CALD1: variants seen among roughly 807,000 people sequenced by gnomAD.
The protein encoded by CALD1 is caldesmon.
A neutral mutation model predicts 99.9 loss-of-function variants in CALD1; 33 were observed. The observed-to-expected ratio is 0.33, with a 90% confidence interval of 0.25 to 0.44. The LOEUF is 0.44. Ranked by LOEUF, CALD1 falls within the 20% of genes least tolerant of loss-of-function variation. The pLI is 1.00. For synonymous variants in CALD1, 310 were observed against 325.0 expected, an observed-to-expected ratio of 0.95 and a Z score of 0.50; for missense variants, 861 against 962.1, an observed-to-expected ratio of 0.89 and a Z score of 1.39.
intron 14 of CALD1, among the ~76,000 whole-genome samples, chr7:134,966,131 CAAT>C (rs1275693015): frequency 6.6e-6 from 1 of 152,106 alleles, no homozygotes; most frequent in Non-Finnish European, 1.5e-5. Context: ...TGGAGACCAA[CAAT>C]AAGCAAGGTT....
rs756688655 is a variant in CALD1 at position 134,947,583 on chromosome 7, G to A, written c.1608G>A (p.Leu536=). The A allele has an allele frequency of 3.2e-6, 5 of 1,561,788 alleles. No homozygotes were observed. Among genetic ancestry groups the A allele is most frequent in the East Asian group, 4.8e-5 (2 of 41,540 alleles). The change falls in exon 8 of 15, where the codon CTG becomes CTA. Residue 536 remains leucine (L), a synonymous_variant. Transcript: ENST00000361675. ...GAPQVEAGKR[L]EELRRRRGET... ...CCCAGGTGGAAGCCGGCAAAAGGCT[G>A]GAGGAGCTTCGTCGTCGTCGCGGGG...
chr7:134,788,624 T>C (rs1468638704), intron 1 of CALD1, among the ~76,000 whole-genome samples: 1 of 152,218 alleles, frequency 6.6e-6, no homozygotes, highest in Non-Finnish European at 1.5e-5. Flanking sequence ...TCTATGAAAG[T>C]AGAGACTTTG....
Position 134,938,641 on chromosome 7 carries a change from TA to T in CALD1, c.1387-2442del, listed in dbSNP as rs202093605. Among the ~76,000 whole-genome samples the T allele has an allele frequency of 2.6e-5, 4 of 151,018 alleles. 1 individual carries two copies. The highest frequency in any genetic ancestry group is 2.1e-4 in the South Asian group (1 of 4,782). On this transcript the variant is annotated intron_variant, in intron 6 of 14. Coordinates refer to ENST00000361675, the MANE Select transcript of CALD1 (RefSeq NM_033138.4). The stretch of plus-strand genomic sequence containing the variant: ...TTTGGGTTAAATCTGCCATAACATC[TA>T]AAAAAAAATGTAAAGGCTCTACGGA...
upstream of CALD1, among the ~76,000 whole-genome samples, chr7:134,743,673 G>T (rs943358599): frequency 1.3e-5 from 2 of 152,224 alleles, no homozygotes; most frequent in Non-Finnish European, 2.9e-5. Context: ...GAATCAATCA[G>T]AAAAGTGTTG....
the CALD1 span, among the ~76,000 whole-genome samples, chr7:134,723,534 C>CT: frequency 0.012 from 1,035 of 87,698 alleles, 40 homozygotes; most frequent in Non-Finnish European, 0.018. Flanking sequence ...GAAAAGGTAA[C>CT]TTTTTTTTTT....
At chr7:134,760,307 G>C (rs1481337590) in intron 1 of CALD1, among the ~76,000 whole-genome samples, 1 of 152,170 alleles carries the variant, frequency 6.6e-6, no homozygotes, top group African/African-American at 2.4e-5. Context: ...TTGAGGGTGG[G>C]GTTTGGGGAT....
chr7:134,924,543 T>C (rs1457615100), intron 3 of CALD1, among the ~76,000 whole-genome samples: 1 of 152,216 alleles, frequency 6.6e-6, no homozygotes, highest in Non-Finnish European at 1.5e-5. Context: ...TCATTTGGCA[T>C]GGACACAATT....
At chr7:134,899,798 C>T (rs1302979469) in intron 3 of CALD1, 1 of 152,292 alleles carries the variant, frequency 6.6e-6, no homozygotes, top group East Asian at 1.9e-4. Flanking sequence ...TGCTTGCCAC[C>T]ACTCCTAGTT....
At chr7:134,958,319 T>C in intron 11 of CALD1, 29 bp downstream of exon 11, 3 of 1,542,816 alleles carry the variant, frequency 1.9e-6, no homozygotes, top group Non-Finnish European at 2.7e-6. Flanking sequence ...GTTATGGTCC[T>C]GCTGAACAGA....
intron 3 of CALD1, among the ~76,000 whole-genome samples, chr7:134,925,732 C>T (rs1490397025): frequency 2.6e-5 from 4 of 152,188 alleles, no homozygotes; most frequent in Non-Finnish European, 5.9e-5. Flanking sequence ...CAACACCTGA[C>T]ACGGGGGATT....
upstream of CALD1, among the ~76,000 whole-genome samples, chr7:134,777,727 G>T (rs6964792): frequency 3.4e-3 from 521 of 152,272 alleles, 3 homozygotes; most frequent in African/African-American, 0.012. Context: ...CTGGACACAG[G>T]TCATATCTTT....
At chr7:134,945,451 A>C (rs1806781564) in intron 7 of CALD1, among the ~76,000 whole-genome samples, 1 of 152,220 alleles carries the variant, frequency 6.6e-6, no homozygotes, top group Non-Finnish European at 1.5e-5. Context: ...GTATAATTAT[A>C]GTTACAAGAA....
rs1336984216 is a variant in CALD1 at position 134,957,501 on chromosome 7, T to C, written c.1936-568T>C. ...GTGGCACAATCTTGGCTCACTGCAA[T>C]CTCTCCCTCCCAGGTTCAAGCAATT... On this transcript the variant is annotated intron_variant, in intron 9 of 14. Coordinates refer to ENST00000361675, the MANE Select transcript of CALD1 (RefSeq NM_033138.4). Among the ~76,000 whole-genome samples, 4 of 152,134 alleles carry C rather than the reference T, an allele frequency of 2.6e-5. No homozygotes were observed. In the East Asian group the frequency reaches 7.7e-4, roughly 29 times the overall value.
chr7:134,891,698 GT>G, intron 3 of CALD1: 1 of 1,455,604 alleles, frequency 6.9e-7, no homozygotes, highest in Non-Finnish European at 9.2e-7. Context: ...CGTCTCTTTG[GT>G]TTTTTCCTTT....
chr7:134,741,518 A>G (rs769316315), upstream of CALD1, among the ~76,000 whole-genome samples: 20 of 152,176 alleles, frequency 1.3e-4, no homozygotes, highest in Admixed American at 1.3e-3. Flanking sequence ...TTCATGTTCA[A>G]TAGTTTTAAT....
intron 1 of CALD1, among the ~76,000 whole-genome samples, chr7:134,830,331 T>A (rs149600970): frequency 6.6e-6 from 1 of 152,214 alleles, no homozygotes; most frequent in Non-Finnish European, 1.5e-5. Context: ...ATTTTAATAA[T>A]TTAATTTGCT....
chr7:134,958,180 T>C (rs1807918503), intron 10 of CALD1, 29 bp from the exon 11 acceptor site: 1 of 1,610,238 alleles, frequency 6.2e-7, no homozygotes, highest in Non-Finnish European at 8.5e-7. Flanking sequence ...CTCTCTCATA[T>C]TTTTATATGT....
chr7:134,712,687 T>C, the CALD1 span, among the ~76,000 whole-genome samples: 61 of 152,366 alleles, frequency 4.0e-4, no homozygotes, highest in South Asian at 0.011. Flanking sequence ...TGCAGGGCTC[T>C]GCGGAGACTT....
chr7:134,800,575 A>C (rs185409222), intron 1 of CALD1, among the ~76,000 whole-genome samples: 192 of 152,196 alleles, frequency 1.3e-3, no homozygotes, highest in Middle Eastern at 0.01. Flanking sequence ...ACATAAATTT[A>C]AAACCTTTTA....
Sources: allele counts gnomAD v4.1 joint callset (sites outside exome capture counted in the v4.1 genomes callset), GRCh38; gene constraint gnomAD v4.1.1; transcripts MANE v1.5; gene names NCBI Gene and HGNC (gene_info 2026-07-23, HGNC 2026-07-21).